Variants in TDRD9 observed in about 807,000 individuals in gnomAD.
TDRD9 encodes the protein ATP-dependent RNA helicase TDRD9.
Under a neutral mutation model 172.6 loss-of-function variants are expected in TDRD9, and 124 were observed. The ratio of observed to expected loss-of-function variants is 0.72; its 90% CI spans 0.62 to 0.83. TDRD9 has a LOEUF of 0.83. Ranked by LOEUF, TDRD9 falls within the 40% of genes least tolerant of loss-of-function variation. The pLI is 0.00. For synonymous variants in TDRD9, 619 were observed against 617.1 expected (o/e 1.00, Z -0.05); for missense variants, 1,479 against 1,714.1 (o/e 0.86, Z 2.42).
chr14:104,045,857 G>A (rs1018483089), intron 34 of TDRD9, among the ~76,000 whole-genome samples: 8 of 152,204 alleles, frequency 5.3e-5, no homozygotes, highest in East Asian at 1.9e-4. Flanking sequence ...CCATGCTCCC[G>A]CACTTCCCAG....
rs1156986316 is a variant in TDRD9 at position 103,997,216 on chromosome 14, G to A, written c.1379-1408G>A. 1.3e-5 allele frequency among the ~76,000 whole-genome samples: 2 copies of A among 152,194 alleles called. No homozygotes were observed. Among genetic ancestry groups the A allele is most frequent in the Non-Finnish European group, 2.9e-5 (2 of 68,034 alleles). The stretch of plus-strand genomic sequence containing the variant: ...TAGAATGAGGCAAAGGAGAGAAAAG[G>A]AAGAGACTTAGGAGGGTGTCACAAG... On this transcript the variant is annotated intron_variant, in intron 12 of 35. Coordinates refer to ENST00000409874, the MANE Select transcript of TDRD9 (RefSeq NM_153046.3). This position sits in a 1 kb window ranked among gnomAD's most constrained non-coding sequence, Gnocchi z 5.1.
chr14:104,026,377 T>G (rs887464826), intron 27 of TDRD9, among the ~76,000 whole-genome samples: 1 of 152,264 alleles, frequency 6.6e-6, no homozygotes, highest in East Asian at 1.9e-4. Flanking sequence ...TAATACTGTT[T>G]CTGAGTTTTC....
chr14:104,006,342 A>T, intron 15 of TDRD9, 47 bp from the exon 16 acceptor site: 1 of 1,525,518 alleles, frequency 6.6e-7, no homozygotes, highest in Non-Finnish European at 9.0e-7. Context: ...GGGAAGAAGT[A>T]TGAGTAAGTC....
rs28366509 is a variant in TDRD9, at chr14:103,952,220, A to T, written c.216-3444A>T. Among the ~76,000 whole-genome samples, 88 of 32,328 alleles carry T rather than the reference A, an allele frequency of 2.7e-3. 1 individual carries two copies. Among genetic ancestry groups the T allele is most frequent in the South Asian group, 7.4e-3 (6 of 806 alleles). 21.2% of individuals were successfully genotyped at this position (32,328 alleles called of 152,430 possible). On this transcript the variant is annotated intron_variant, in intron 1 of 35. Transcript: ENST00000409874. ...TATATATATATATATATATATATATATTTTTTTTTTTTTTTTTTTTTTTTT... is the reference window on the plus strand; with the variant it reads ...TATATATATATATATATATATATATTTTTTTTTTTTTTTTTTTTTTTTTTT...
chr14:103,960,305 T>G (rs1279995661), intron 2 of TDRD9, among the ~76,000 whole-genome samples: 3 of 152,174 alleles, frequency 2.0e-5, no homozygotes, highest in African/African-American at 4.8e-5. Context: ...GGTGCTGAAC[T>G]TTTTGGTTAG....
intron 30 of TDRD9, 70 bp from the exon 31 acceptor site, chr14:104,033,890 G>T: frequency 1.1e-6 from 1 of 937,758 alleles, no homozygotes. Flanking sequence ...TGGGTTGCTT[G>T]TGGGTTGGCA....
chr14:103,953,385 C>A (rs1029030638), intron 1 of TDRD9, among the ~76,000 whole-genome samples: 1 of 152,094 alleles, frequency 6.6e-6, no homozygotes, highest in Non-Finnish European at 1.5e-5. Flanking sequence ...CAAACAGTAA[C>A]CAGAGGAATG....
chr14:104,004,836 A>T (rs1595974924), intron 14 of TDRD9, among the ~76,000 whole-genome samples: 1 of 151,992 alleles, frequency 6.6e-6, no homozygotes, highest in East Asian at 1.9e-4. Context: ...TAATGAGAGG[A>T]TGTTTTCTGG....
chr14:103,934,013 T>C (rs949865367), intron 1 of TDRD9, among the ~76,000 whole-genome samples: 5 of 152,124 alleles, frequency 3.3e-5, no homozygotes, highest in African/African-American at 1.2e-4. Context: ...TCCTATTTTC[T>C]GTTCACCCAC....
chr14:103,988,869 T>A (rs1483105714), intron 8 of TDRD9, among the ~76,000 whole-genome samples: 1 of 152,134 alleles, frequency 6.6e-6, no homozygotes, highest in Non-Finnish European at 1.5e-5. Flanking sequence ...GATTTTTGTA[T>A]CCGGTTACTT....
Position 103,979,717 on chromosome 14 carries a change from C to T in TDRD9, c.1011+4164C>T, listed in dbSNP as rs867619611. Among the ~76,000 whole-genome samples the T allele has an allele frequency of 9.8e-5, 15 of 152,324 alleles. 2 individuals carry two copies. In the Middle Eastern group the frequency reaches 0.027, roughly 276 times the overall value. ...GCACTGATGACACAGACTTTGATCA[C>T]TGGAAAGGTTGTGTTTGCCAGGTTT... is the stretch of plus-strand genomic sequence containing the variant. On this transcript the variant is annotated intron_variant, in intron 7 of 35. Coordinates refer to ENST00000409874, the MANE Select transcript of TDRD9 (RefSeq NM_153046.3).
chr14:103,956,097 AAAAAAAAAAAAAAAATATATAT>A lies in TDRD9; in HGVS notation c.322+329_322+350del, dbSNP rs1276516422. Among the ~76,000 whole-genome samples, 9 of 51,006 alleles carry A rather than the reference AAAAAAAAAAAAAAAATATATAT, an allele frequency of 1.8e-4. No homozygotes were observed. The East Asian group carries it at 3.9e-3, about 22-fold the overall frequency. The allele number at this position is 51,006 out of a possible 152,430, so 33.5% of individuals were successfully genotyped here. ...CTCTCTTTAAAAAAAAAAAAAAAAA[AAAAAAAAAAAAAAAATATATAT>A]ATATATATATATATATATATATATA... is the stretch of plus-strand genomic sequence containing the variant. On this transcript the variant is annotated intron_variant, in intron 2 of 35. Coordinates refer to ENST00000409874, the MANE Select transcript of TDRD9 (RefSeq NM_153046.3).
intron 6 of TDRD9, among the ~76,000 whole-genome samples, chr14:103,971,216 C>A (rs917760001): frequency 6.6e-5 from 10 of 151,964 alleles, no homozygotes; most frequent in African/African-American, 2.2e-4. Flanking sequence ...ATCTCCTGAC[C>A]TCGTGATCCG....
chr14:103,945,328 C>A (rs554644031), intron 1 of TDRD9: 67 of 152,324 alleles, frequency 4.4e-4, no homozygotes, highest in African/African-American at 1.6e-3. Flanking sequence ...CCTTAACTCA[C>A]ATTGAGTATA....
chr14:104,034,330 ACAAGCAC>A (rs753010265), intron 31 of TDRD9, among the ~76,000 whole-genome samples: 4,704 of 151,816 alleles, frequency 0.031, 102 homozygotes, highest in Non-Finnish European at 0.048. Context: ...AGCTGGGACT[ACAAGCAC>A]CTGCCACCAT....
In TDRD9 at chr14:104,033,941, T is replaced by TG; in HGVS notation, c.3510-17dup. 1 of 1,494,158 alleles carries TG rather than the reference T, an allele frequency of 6.7e-7. No homozygotes were observed. The highest frequency in any genetic ancestry group is 2.5e-5 in the East Asian group (1 of 40,394). 92.6% of individuals were successfully genotyped at this position (1,494,158 alleles called of 1,614,324 possible). On this transcript the variant is annotated intron_variant, in intron 30 of 35. Transcript: ENST00000409874. The stretch of plus-strand genomic sequence containing the variant: ...TTAGTGGATCAGTCACCCCATCTCC[T>TG]GGTGCTCCTGCCTTTTAGGTGTGTT...
intron 1 of TDRD9, among the ~76,000 whole-genome samples, chr14:103,947,044 A>AT (rs1439860708): frequency 6.6e-6 from 1 of 152,212 alleles, no homozygotes; most frequent in African/African-American, 2.4e-5. Flanking sequence ...CCATCCTGAA[A>AT]TTCATATGGA....
At chr14:103,968,592 C>A (rs913172343) in intron 5 of TDRD9, among the ~76,000 whole-genome samples, 1 of 142,826 alleles carries the variant, frequency 7.0e-6, no homozygotes, top group Admixed American at 7.1e-5. Flanking sequence ...ATCAGGAGAT[C>A]GAGACCATCC....
intron 13 of TDRD9, among the ~76,000 whole-genome samples, chr14:104,003,805 G>T (rs1409411964): frequency 2.0e-5 from 3 of 152,170 alleles, no homozygotes; most frequent in Admixed American, 2.0e-4. Flanking sequence ...GCAAGGAGCT[G>T]TGGGAAGCAC....
Sources: allele counts gnomAD v4.1 joint callset (sites outside exome capture counted in the v4.1 genomes callset), GRCh38; gene constraint gnomAD v4.1.1; non-coding constraint Gnocchi (gnomAD v3.1); transcripts MANE v1.5; gene names NCBI Gene and HGNC (gene_info 2026-07-23, HGNC 2026-07-21).